Variants in FGL2 observed in about 807,000 individuals in gnomAD.
FGL2 encodes the protein fibrinogen like 2.
Under a neutral mutation model 36.0 loss-of-function variants are expected in FGL2, and 21 were observed. That is an observed-to-expected ratio of 0.58 (90% CI 0.41 to 0.84). The LOEUF (loss-of-function observed/expected upper bound fraction) is 0.84, where lower values mean the gene tolerates loss of function less well. FGL2 is among the 40% of genes least tolerant of loss of function. The pLI, the probability that FGL2 is intolerant of heterozygous loss-of-function variation, is 0.00. For synonymous variants in FGL2, 183 were observed against 190.7 expected (o/e 0.96, Z 0.33); for missense variants, 444 against 526.3 (o/e 0.84, Z 1.53).
chr7:77,196,950 A>G lies in FGL2; in HGVS notation c.649T>C (p.Tyr217His). Reference sequence around the variant, plus strand: ...TCACTGCTTCTTTTGCCTATTGCGTAGTAGTCAGAGCAATCTTTATATATT... The same window carrying G: ...TCACTGCTTCTTTTGCCTATTGCGTGGTAGTCAGAGCAATCTTTATATATT... ...HLIYKDCSDYYAIGKRSSETY... is the reference protein window; with the variant it reads ...HLIYKDCSDYHAIGKRSSETY... Residue 217 changes from tyrosine to histidine, a missense_variant, in exon 2 of 2, where the codon TAC (tyrosine) becomes CAC (histidine). Transcript: ENST00000248598. The surrounding 1 kb of genome is among the most constrained non-coding windows in gnomAD (Gnocchi z 4.2). 1 of 1,611,756 alleles carries G rather than the reference A, an allele frequency of 6.2e-7. No homozygotes were observed. The highest frequency in any genetic ancestry group is 8.5e-7 in the Non-Finnish European group (1 of 1,178,868).
intron 1 of FGL2, chr7:77,198,147 G>A (rs1297226217): frequency 2.2e-5 from 22 of 985,310 alleles, no homozygotes; most frequent in Non-Finnish European, 2.4e-5. Flanking sequence ...TGGATTCGCA[G>A]TGTGCCAGGT....
In FGL2 at chr7:77,195,751, G is replaced by T; in HGVS notation, c.*528C>A. The T allele has an allele frequency of 6.5e-6, 1 of 152,942 alleles. No individual in the cohort carries two copies. Among genetic ancestry groups the T allele is most frequent in the Non-Finnish European group, 1.5e-5 (1 of 68,548 alleles). The allele number at this position is 152,942 out of a possible 1,614,324, so 9.5% of individuals were successfully genotyped here. A position where few individuals can be genotyped will look rare whatever the true frequency, so the allele number is the denominator to read the frequency against. ...GGCTCACTGCAACCTCTTCCTCTCA[G>T]GTTCAAGCGATTCTCCTGCCTCAGC... On this transcript the variant is annotated 3_prime_UTR_variant, in exon 2 of 2. Transcript: ENST00000248598.
chr7:77,196,652 T>C lies in FGL2; in HGVS notation c.947A>G (p.Tyr316Cys), dbSNP rs748971623. Reference sequence around the variant, plus strand: ...CTCATTAGCCACATAAAACTGATCATACAAGGCATATAGTTCGACACCATT... The same window carrying C: ...CTCATTAGCCACATAAAACTGATCACACAAGGCATATAGTTCGACACCATT... ...DFNGVELYAL[Y>C]DQFYVANEFL... Residue 316 changes from tyrosine (Y) to cysteine (C), a missense_variant, in exon 2 of 2, where the codon TAT becomes TGT. Transcript: ENST00000248598. The surrounding 1 kb of genome is among the most constrained non-coding windows in gnomAD (Gnocchi z 4.2). 8 of 1,613,996 alleles carry C rather than the reference T, an allele frequency of 5.0e-6. No homozygotes were observed. The South Asian group carries it at 6.6e-5, about 13-fold the overall frequency.
Position 77,199,493 on chromosome 7 carries a change from G to A in FGL2, c.301C>T (p.Leu101=), listed in dbSNP as rs905409973. 6.2e-7 allele frequency: 1 copy of A among 1,614,082 alleles called. No homozygotes were observed. Among genetic ancestry groups the A allele is most frequent in the African/African-American group, 1.3e-5 (1 of 75,024 alleles). ...SLKKSCQDCK[L]QADDNGDPGR... The stretch of plus-strand genomic sequence containing the variant: ...GGGTCTCCGTTGTCATCAGCCTGCA[G>A]CTTGCAGTCTTGGCAAGATTTCTTT... Residue 101 remains leucine, a synonymous_variant, in exon 1 of 2, where the codon CTG becomes TTG. Coordinates refer to ENST00000248598, the MANE Select transcript of FGL2 (RefSeq NM_006682.3).
rs1455684267 is a variant in FGL2 at position 77,194,154 on chromosome 7, C to T, written c.*2125G>A. On this transcript the variant is annotated 3_prime_UTR_variant, in exon 2 of 2. Coordinates refer to ENST00000248598, the MANE Select transcript of FGL2 (RefSeq NM_006682.3). ...TTCTCCTGAAGTTATACCTAGTTCCCATTAAATTAATGGACACCGTGTATA... is the reference window on the plus strand; with the variant it reads ...TTCTCCTGAAGTTATACCTAGTTCCTATTAAATTAATGGACACCGTGTATA... 6.6e-6 allele frequency: 1 copy of T among 151,976 alleles called. No individual in the cohort carries two copies. The highest frequency in any genetic ancestry group is 1.9e-4 in the East Asian group (1 of 5,194). 9.4% of individuals were successfully genotyped at this position (151,976 alleles called of 1,614,324 possible).
In FGL2 at chr7:77,196,606, G is replaced by A. The variant is rs199775926; in HGVS notation, c.993C>T (p.His331=). 8.1e-6 allele frequency: 13 copies of A among 1,613,942 alleles called. No individual in the cohort carries two copies. The highest frequency in any genetic ancestry group is 1.6e-4 in the Middle Eastern group (1 of 6,084). Residue 331 remains histidine (H), a synonymous_variant, in exon 2 of 2, where the codon CAC becomes CAT. Coordinates refer to ENST00000248598, the MANE Select transcript of FGL2 (RefSeq NM_006682.3). The surrounding 1 kb of genome is among the most constrained non-coding windows in gnomAD (Gnocchi z 4.2). ...VANEFLKYRL[H]VGNYNGTAGD... ...CAGCTGTGCCATTATAGTTACCAAC[G>A]TGTAAACGATATTTGAGAAACTCAT...
rs1280710916 is a variant in FGL2 at position 77,199,625 on chromosome 7, A to G, written c.169T>C (p.Tyr57His). The stretch of plus-strand genomic sequence containing the variant: ...GTCAAGGGGGGCAGGCTTACCTGGT[A>G]GGGGCACTCCCCTGCCTCTTCGCAT... ...GKCEEAGECP[Y>H]QVSLPPLTIQ... Residue 57 changes from tyrosine (Y) to histidine (H), a missense_variant, in exon 1 of 2, where the codon TAC (tyrosine) becomes CAC (histidine). Coordinates refer to ENST00000248598, the MANE Select transcript of FGL2 (RefSeq NM_006682.3). 3 of 1,613,992 alleles carry G rather than the reference A, an allele frequency of 1.9e-6. No homozygotes were observed. Among genetic ancestry groups the G allele is most frequent in the Non-Finnish European group, 1.7e-6 (2 of 1,180,008 alleles).
chr7:77,196,180 T>G lies in FGL2; in HGVS notation c.*99A>C. ...AGAACCTAGCCGTCAGACATCATTT[T>G]TTAGCTATGAAAAATATGAAACAAG... On this transcript the variant is annotated 3_prime_UTR_variant, in exon 2 of 2. Transcript: ENST00000248598. This position sits in a 1 kb window ranked among gnomAD's most constrained non-coding sequence, Gnocchi z 4.2. 1 of 859,508 alleles carries G rather than the reference T, an allele frequency of 1.2e-6. No homozygotes were observed. Among genetic ancestry groups the G allele is most frequent in the Non-Finnish European group, 1.8e-6 (1 of 566,094 alleles). The allele number at this position is 859,508 out of a possible 1,614,324, so 53.2% of individuals were successfully genotyped here. A position where few individuals can be genotyped will look rare whatever the true frequency, so the allele number is the denominator to read the frequency against.
In FGL2 at chr7:77,194,946, T is replaced by G. The variant is rs1791837803; in HGVS notation, c.*1333A>C. 6.6e-6 allele frequency: 1 copy of G among 152,178 alleles called. No individual in the cohort carries two copies. The highest frequency in any genetic ancestry group is 1.5e-5 in the Non-Finnish European group (1 of 68,012). The allele number at this position is 152,178 out of a possible 1,614,324, so 9.4% of individuals were successfully genotyped here. Reference sequence around the variant, plus strand: ...TTTGGGTAAAAATCTATCTTTTAGTTTCTGATAGTAAAATAAGCAATCTAC... The same window carrying G: ...TTTGGGTAAAAATCTATCTTTTAGTGTCTGATAGTAAAATAAGCAATCTAC... On this transcript the variant is annotated 3_prime_UTR_variant, in exon 2 of 2. Coordinates refer to ENST00000248598, the MANE Select transcript of FGL2 (RefSeq NM_006682.3).
At chr7:77,197,407 G>T (rs1291706984) in intron 1 of FGL2, among the ~76,000 whole-genome samples, 1 of 152,250 alleles carries the variant, frequency 6.6e-6, no homozygotes, top group Admixed American at 6.5e-5. Flanking sequence ...TAGGCATAAA[G>T]ATCAGTGGCT....
chr7:77,197,356 T>C (rs1406322207), intron 1 of FGL2, among the ~76,000 whole-genome samples: 2 of 152,366 alleles, frequency 1.3e-5, no homozygotes, highest in Non-Finnish European at 2.9e-5. Context: ...ACATTGACCT[T>C]ATGATGTAGG....
At position 77,195,713 on chromosome 7, in the gene FGL2, G is replaced by T. The variant is rs544142547; in HGVS notation, c.*566C>A. The T allele has an allele frequency of 6.6e-6, 1 of 152,372 alleles. No homozygotes were observed. Among genetic ancestry groups the T allele is most frequent in the African/African-American group, 2.4e-5 (1 of 41,558 alleles). The allele number at this position is 152,372 out of a possible 1,614,324, so 9.4% of individuals were successfully genotyped here. A position where few individuals can be genotyped will look rare whatever the true frequency, so the allele number is the denominator to read the frequency against. On this transcript the variant is annotated 3_prime_UTR_variant, in exon 2 of 2. Coordinates refer to ENST00000248598, the MANE Select transcript of FGL2 (RefSeq NM_006682.3). ...TCTCTGTCACCCATGCTGGAGTGCA[G>T]TGGCTCAGTCTTGGCTCACTGCAAC...
Position 77,196,267 on chromosome 7 carries a change from G to C in FGL2, c.*12C>G. ...TTAGATAACGAATACCTGGAGGAAT[G>C]AACAGAGTGATTTATGGCTTAAAGT... On this transcript the variant is annotated 3_prime_UTR_variant, in exon 2 of 2. Transcript: ENST00000248598. This position sits in a 1 kb window ranked among gnomAD's most constrained non-coding sequence, Gnocchi z 4.2. 6.3e-7 allele frequency: 1 copy of C among 1,596,116 alleles called. No homozygotes were observed. Among genetic ancestry groups the C allele is most frequent in the Non-Finnish European group, 8.6e-7 (1 of 1,166,306 alleles).
Position 77,196,082 on chromosome 7 carries a change from T to A in FGL2, c.*197A>T, listed in dbSNP as rs1043550093. On this transcript the variant is annotated 3_prime_UTR_variant, in exon 2 of 2. Transcript: ENST00000248598. The surrounding 1 kb of genome is among the most constrained non-coding windows in gnomAD (Gnocchi z 4.2). ...TAATTGCTTGCAAGTGTTCATTGGA[T>A]AACAGCATAACAACAAAGGACTCCT... 3.8e-6 allele frequency: 2 copies of A among 527,934 alleles called. No individual in the cohort carries two copies. Among genetic ancestry groups the A allele is most frequent in the African/African-American group, 3.8e-5 (2 of 52,906 alleles). 32.7% of individuals were successfully genotyped at this position (527,934 alleles called of 1,614,324 possible).
Position 77,199,458 on chromosome 7 carries a change from GT to G in FGL2, c.335del (p.Asn112ThrfsTer22). The G allele has an allele frequency of 6.2e-7, 1 of 1,614,086 alleles. No individual in the cohort carries two copies. The highest frequency in any genetic ancestry group is 8.5e-7 in the Non-Finnish European group (1 of 1,180,030). On this transcript the variant is annotated frameshift_variant, in exon 1 of 2. Transcript: ENST00000248598. LOFTEE classifies it high-confidence loss of function. ...QADDNGDPGRNGLLLPSTGAP... is the reference protein window; with the variant it reads ...QADDNGDPGRXGLLLPSTGAP... Reference sequence around the variant, plus strand: ...CTCCTGTACTGGGTAACAACAGTCCGTTTCTGCCTGGGTCTCCGTTGTCATC... The same window carrying G: ...CTCCTGTACTGGGTAACAACAGTCCGTTCTGCCTGGGTCTCCGTTGTCATC...
Position 77,199,276 on chromosome 7 carries a change from A to C in FGL2, c.518T>G (p.Val173Gly), listed in dbSNP as rs772636374. 2.5e-6 allele frequency: 4 copies of C among 1,614,136 alleles called. No homozygotes were observed. In the East Asian group the frequency reaches 8.9e-5, roughly 36 times the overall value. ...LVNMNNIENY[V>G]DSKVANLTFV... ...TGTTAGATTTGCCACTTTGCTGTCA[A>C]CATAATTTTCTATGTTGTTCATATT... Residue 173 changes from valine to glycine, a missense_variant, in exon 1 of 2, where the codon GTT becomes GGT. By Grantham distance (109) the Val-to-Gly change is moderately radical. Coordinates refer to ENST00000248598, the MANE Select transcript of FGL2 (RefSeq NM_006682.3).
Position 77,194,365 on chromosome 7 carries a change from C to G in FGL2, c.*1914G>C, listed in dbSNP as rs951828188. 6.6e-6 allele frequency: 1 copy of G among 151,880 alleles called. No individual in the cohort carries two copies. Among genetic ancestry groups the G allele is most frequent in the Admixed American group, 6.6e-5 (1 of 15,264 alleles). 9.4% of individuals were successfully genotyped at this position (151,880 alleles called of 1,614,324 possible). A position where few individuals can be genotyped will look rare whatever the true frequency, so the allele number is the denominator to read the frequency against. ...TTAAAAAGTAAAAAGTAAAAAACAA[C>G]GTCAGTTACATCATTTACATTTGGT... On this transcript the variant is annotated 3_prime_UTR_variant, in exon 2 of 2. Coordinates refer to ENST00000248598, the MANE Select transcript of FGL2 (RefSeq NM_006682.3).
rs755713780 is a variant in FGL2, at chr7:77,199,819, G to C, written c.-26C>G. The C allele has an allele frequency of 4.2e-5, 67 of 1,602,858 alleles. No homozygotes were observed. Among genetic ancestry groups the C allele is most frequent in the Non-Finnish European group, 5.3e-5 (62 of 1,173,284 alleles). On this transcript the variant is annotated 5_prime_UTR_variant, in exon 1 of 2. Coordinates refer to ENST00000248598, the MANE Select transcript of FGL2 (RefSeq NM_006682.3). ...CTTTACAGTGCTGCTCACCCCAGCA[G>C]GGAGTGCGCAGGGCTGGAGCTGCTT...
At chr7:77,198,180 G>T (rs1183976671) in intron 1 of FGL2, 2 of 985,330 alleles carry the variant, frequency 2.0e-6, no homozygotes, top group East Asian at 2.3e-4. Flanking sequence ...AGGCTGCCAG[G>T]AGTATTACCA....
Sources: allele counts gnomAD v4.1 joint callset (sites outside exome capture counted in the v4.1 genomes callset), GRCh38; gene constraint gnomAD v4.1.1; non-coding constraint Gnocchi (gnomAD v3.1); transcripts MANE v1.5; gene names NCBI Gene and HGNC (gene_info 2026-07-23, HGNC 2026-07-21).